Variants in ERICH5 observed in about 807,000 individuals in gnomAD.
The protein encoded by ERICH5 is glutamate-rich protein 5.
Under a neutral mutation model 28.0 loss-of-function variants are expected in ERICH5, and 24 were observed. The ratio of observed to expected loss-of-function variants is 0.86; its 90% CI spans 0.62 to 1.21. The LOEUF (loss-of-function observed/expected upper bound fraction) is 1.21, where lower values mean the gene tolerates loss of function less well. ERICH5 is among the 50% of genes most tolerant of loss of function. The pLI is 0.00. For synonymous variants in ERICH5, 163 were observed against 157.6 expected, an observed-to-expected ratio of 1.03 and a Z score of -0.25; for missense variants, 421 against 441.2, an observed-to-expected ratio of 0.95 and a Z score of 0.41.
At chr8:98,081,999 C>T (rs1350581839) in intron 1 of ERICH5, among the ~76,000 whole-genome samples, 2 of 151,922 alleles carry the variant, frequency 1.3e-5, no homozygotes, top group African/African-American at 4.8e-5. Flanking sequence ...AGTGTCTGTC[C>T]TCTTAGAGCA....
chr8:98,081,954 C>A (rs1045326147), intron 1 of ERICH5, among the ~76,000 whole-genome samples: 1 of 151,780 alleles, frequency 6.6e-6, no homozygotes, highest in Admixed American at 6.6e-5. Flanking sequence ...TTCCCCTATA[C>A]TGTAGGTCTA....
intron 1 of ERICH5, among the ~76,000 whole-genome samples, chr8:98,079,001 G>A (rs1219572533): frequency 1.3e-5 from 2 of 152,108 alleles, no homozygotes; most frequent in African/African-American, 2.4e-5. Flanking sequence ...AGGAGGTATG[G>A]TGAGGATTCA....
chr8:98,093,215 T>C lies in ERICH5; in HGVS notation c.1013-6T>C. The C allele has an allele frequency of 6.2e-7, 1 of 1,602,870 alleles. No individual in the cohort carries two copies. On this transcript the variant is annotated splice_region_variant and splice_polypyrimidine_tract_variant and intron_variant, in intron 2 of 2. Coordinates refer to ENST00000318528, the MANE Select transcript of ERICH5 (RefSeq NM_173549.3). ...CTCTTAGTATCTCCTTTGGTTACTT[T>C]TCCAGGTGAGACAGGGGAAAAGGTG... is the stretch of plus-strand genomic sequence containing the variant.
chr8:98,073,771 G>GA (rs1189209727), intron 1 of ERICH5, among the ~76,000 whole-genome samples: 2 of 150,640 alleles, frequency 1.3e-5, no homozygotes, highest in Admixed American at 1.3e-4. Flanking sequence ...TCGAACTCCT[G>GA]ACCTCAGGTG....
chr8:98,066,264 A>G (rs1231760625), intron 1 of ERICH5, among the ~76,000 whole-genome samples: 6 of 152,212 alleles, frequency 3.9e-5, no homozygotes, highest in Admixed American at 2.0e-4. Flanking sequence ...GTGGGTTTCA[A>G]TATGAAAAGC....
chr8:98,081,849 A>G (rs954696277), intron 1 of ERICH5, among the ~76,000 whole-genome samples: 5 of 151,816 alleles, frequency 3.3e-5, no homozygotes, highest in African/African-American at 1.2e-4. Context: ...AATTGCTTGT[A>G]CCCAGGAGGC....
rs371307211 is a variant in ERICH5 at position 98,083,428 on chromosome 8, C to G, written c.59-5648C>G. ...TTGCAATTAATTTGAAGTCTTCATT[C>G]ATGATGAGGCAGGAGGGGGAGGTGA... On this transcript the variant is annotated intron_variant, in intron 1 of 2. Coordinates refer to ENST00000318528, the MANE Select transcript of ERICH5 (RefSeq NM_173549.3). Among the ~76,000 whole-genome samples the G allele has an allele frequency of 4.8e-3, 726 of 152,258 alleles. 7 individuals are homozygous for G. Among genetic ancestry groups the G allele is most frequent in the South Asian group, 0.033 (157 of 4,826 alleles).
In ERICH5 at chr8:98,090,029, G is replaced by C. The variant is rs773296330; in HGVS notation, c.1012G>C (p.Gly338Arg). The C allele has an allele frequency of 6.2e-7, 1 of 1,603,714 alleles. No individual in the cohort carries two copies. The highest frequency in any genetic ancestry group is 8.5e-7 in the Non-Finnish European group (1 of 1,174,112). ...HTNEEDQRIE[G>R]ETGEKVETDM... Reference sequence around the variant, plus strand: ...TAATGAAGAGGACCAACGCATTGAAGGTAAAAGTTATGCTGGCAAACCTGG... The same window carrying C: ...TAATGAAGAGGACCAACGCATTGAACGTAAAAGTTATGCTGGCAAACCTGG... Residue 338 changes from glycine (G) to arginine (R), a missense_variant and splice_region_variant, in exon 2 of 3, where the codon GGT (glycine) becomes CGT (arginine). Gly to Arg is a moderately radical substitution (Grantham distance 125). Transcript: ENST00000318528.
At chr8:98,084,053 ATTTT>A (rs11298792) in intron 1 of ERICH5, among the ~76,000 whole-genome samples, 1 of 139,582 alleles carries the variant, frequency 7.2e-6, no homozygotes, top group Non-Finnish European at 1.6e-5. Context: ...GCTAATTTTA[ATTTT>A]TTTTTTTTTT....
Position 98,064,624 on chromosome 8 carries a change from G to T in ERICH5, c.-46G>T. The T allele has an allele frequency of 6.8e-7, 1 of 1,461,278 alleles. No individual in the cohort carries two copies. Among genetic ancestry groups the T allele is most frequent in the East Asian group, 2.6e-5 (1 of 38,254 alleles). The allele number at this position is 1,461,278 out of a possible 1,614,324, so 90.5% of individuals were successfully genotyped here. ...CAGTTGCCTTCGGTTCCCGGTTCCG[G>T]GCCGACACCCGCGCAGGGCTGAGAC... is the stretch of plus-strand genomic sequence containing the variant. On this transcript the variant is annotated 5_prime_UTR_variant, in exon 1 of 3. Coordinates refer to ENST00000318528, the MANE Select transcript of ERICH5 (RefSeq NM_173549.3).
At chr8:98,071,809 A>T (rs1208205488) in intron 1 of ERICH5, among the ~76,000 whole-genome samples, 7 of 152,166 alleles carry the variant, frequency 4.6e-5, no homozygotes, top group African/African-American at 1.7e-4. Context: ...TCTCAAGTTC[A>T]TTCATTGTAT....
intron 1 of ERICH5, among the ~76,000 whole-genome samples, chr8:98,070,515 A>G (rs1193793048): frequency 2.0e-5 from 3 of 151,182 alleles, no homozygotes; most frequent in African/African-American, 7.3e-5. Flanking sequence ...AAAATTAGCC[A>G]GGTGTGGTGG....
rs766540952 is a variant in ERICH5 at position 98,089,956 on chromosome 8, A to C, written c.939A>C (p.Arg313=). The change falls in exon 2 of 3, where the codon CGA becomes CGC. Residue 313 remains arginine (R), a synonymous_variant. Coordinates refer to ENST00000318528, the MANE Select transcript of ERICH5 (RefSeq NM_173549.3). The stretch of plus-strand genomic sequence containing the variant: ...TTGGAAGCATGGAGCATCCAGCACG[A>C]AATGTAGAGGCAGGAGCATATGTGG... ...GIVGSMEHPA[R]NVEAGAYVEM... 4.3e-6 allele frequency: 7 copies of C among 1,614,088 alleles called. No homozygotes were observed. Among genetic ancestry groups the C allele is most frequent in the Non-Finnish European group, 5.9e-6 (7 of 1,180,050 alleles).
chr8:98,068,438 C>T (rs1814856242), intron 1 of ERICH5, among the ~76,000 whole-genome samples: 7 of 152,080 alleles, frequency 4.6e-5, no homozygotes. Flanking sequence ...TTATGACGTG[C>T]CCTGAAATGT....
At chr8:98,090,752 A>G (rs1815370319) in intron 2 of ERICH5, among the ~76,000 whole-genome samples, 1 of 152,188 alleles carries the variant, frequency 6.6e-6, no homozygotes, top group South Asian at 2.1e-4. Flanking sequence ...GTATTTTACC[A>G]GCATAAAACA....
chr8:98,087,582 C>T lies in ERICH5; in HGVS notation c.59-1494C>T, dbSNP rs183151846. Among the ~76,000 whole-genome samples, 11 of 152,158 alleles carry T rather than the reference C, an allele frequency of 7.2e-5. No individual in the cohort carries two copies. In the East Asian group the frequency reaches 1.9e-3, roughly 27 times the overall value. ...CTTATTTTCTTCCAGCTTTCCTCCC[C>T]CATCATTTGTGATTTGTTTTCCCCC... On this transcript the variant is annotated intron_variant, in intron 1 of 2. Coordinates refer to ENST00000318528, the MANE Select transcript of ERICH5 (RefSeq NM_173549.3).
intron 1 of ERICH5, among the ~76,000 whole-genome samples, chr8:98,083,253 C>T (rs911549347): frequency 1.3e-5 from 2 of 152,202 alleles, no homozygotes; most frequent in Admixed American, 6.5e-5. Context: ...ATTTGGCAGA[C>T]ATCTGTGATT....
At chr8:98,075,921 T>C (rs983580713) in intron 1 of ERICH5, among the ~76,000 whole-genome samples, 1 of 151,432 alleles carries the variant, frequency 6.6e-6, no homozygotes, top group African/African-American at 2.4e-5. Context: ...CACCTGCTTT[T>C]GACCATGGGC....
At position 98,089,151 on chromosome 8, in the gene ERICH5, G is replaced by A; in HGVS notation, c.134G>A (p.Gly45Glu). The A allele has an allele frequency of 6.2e-7, 1 of 1,614,214 alleles. No homozygotes were observed. Among genetic ancestry groups the A allele is most frequent in the Non-Finnish European group, 8.5e-7 (1 of 1,180,040 alleles). Reference sequence around the variant, plus strand: ...GCCCAACCAAAGCCACATGCACTGGGAAGAGAATCTACTGTTGATGGCAAT... The same window carrying A: ...GCCCAACCAAAGCCACATGCACTGGAAAGAGAATCTACTGTTGATGGCAAT... ...CFAQPKPHALGRESTVDGNVQ... is the reference protein window; with the variant it reads ...CFAQPKPHALERESTVDGNVQ... The change falls in exon 2 of 3, where the codon GGA becomes GAA. Residue 45 changes from glycine to glutamate, a missense_variant. Gly to Glu is a moderately conservative substitution (Grantham distance 98, BLOSUM62 -2). Coordinates refer to ENST00000318528, the MANE Select transcript of ERICH5 (RefSeq NM_173549.3).
Sources: gnomAD v4.1 joint callset for allele counts (sites outside exome capture counted in the v4.1 genomes callset) on GRCh38, gnomAD v4.1.1 for gene constraint, MANE v1.5 for transcripts, NCBI Gene and HGNC (gene_info 2026-07-23, HGNC 2026-07-21) for gene names.